Variants in ERMP1 observed in about 807,000 individuals in gnomAD.
ERMP1 encodes endoplasmic reticulum metallopeptidase 1.
In ERMP1, 86 loss-of-function variants were observed where a neutral mutation model predicts 92.0. The ratio of observed to expected loss-of-function variants is 0.93; its 90% CI spans 0.79 to 1.12. The LOEUF (loss-of-function observed/expected upper bound fraction) is 1.12. Ranked by LOEUF, ERMP1 falls within the 50% of genes most tolerant of loss-of-function variation. The pLI is 0.00. For missense variants in ERMP1, 1,342 were observed against 1,116.3 expected, an observed-to-expected ratio of 1.20 and a Z score of -2.88; for synonymous variants, 530 against 412.8, an observed-to-expected ratio of 1.28 and a Z score of -3.44.
At position 5,811,345 on chromosome 9, in the gene ERMP1, AAAAG is replaced by A. The variant is rs756239038; in HGVS notation, c.1115-26_1115-23del. 1.4e-4 allele frequency: 210 copies of A among 1,541,184 alleles called. No individual in the cohort carries two copies. The Admixed American group carries it at 1.9e-3, about 14-fold the overall frequency. On this transcript the variant is annotated intron_variant, in intron 6 of 14. Transcript: ENST00000339450. ...TCACCTATTAGTAAAAACAAAAAAA[AAAAG>A]AAAGAAAAGGAAAAAGATAAAAAGG...
chr9:5,827,073 A>G (rs1008931845), intron 2 of ERMP1, among the ~76,000 whole-genome samples: 15 of 152,240 alleles, frequency 9.9e-5, no homozygotes, highest in South Asian at 4.1e-4. Context: ...CTCTTCTACC[A>G]ACGACCTGGA....
chr9:5,845,153 TTTG>T (rs201894658), intron 6 of ERMP1, among the ~76,000 whole-genome samples: 8,282 of 24,734 alleles, frequency 0.33, 767 homozygotes, highest in African/African-American at 0.38. Context: ...GTTTTTTTTT[TTTG>T]TTGTTGTGGT....
rs781611805 is a variant in ERMP1 at position 5,830,710 on chromosome 9, A to T, written c.640+17T>A. Reference sequence around the variant, plus strand: ...GGGCTGTGACAAGTTCCAAATGACTAAAAAACAGGTACATACCTGGTGAGT... The same window carrying T: ...GGGCTGTGACAAGTTCCAAATGACTTAAAAACAGGTACATACCTGGTGAGT... On this transcript the variant is annotated intron_variant, in intron 2 of 14. Coordinates refer to ENST00000339450, the MANE Select transcript of ERMP1 (RefSeq NM_024896.3). The T allele has an allele frequency of 6.3e-7, 1 of 1,581,772 alleles. No homozygotes were observed. The highest frequency in any genetic ancestry group is 8.6e-7 in the Non-Finnish European group (1 of 1,162,038).
At chr9:5,793,166 A>T (rs943625011) in intron 13 of ERMP1, among the ~76,000 whole-genome samples, 3 of 152,156 alleles carry the variant, frequency 2.0e-5, no homozygotes, top group African/African-American at 7.2e-5. Context: ...TTATTTTGTT[A>T]TTAAGTTATT....
intron 6 of ERMP1, chr9:5,856,388 C>G (rs979051067): frequency 5.4e-6 from 1 of 185,104 alleles, no homozygotes; most frequent in African/African-American, 2.4e-5. Flanking sequence ...CCAAGAGGAG[C>G]GGCCGGAGGA....
chr9:5,861,985 A>T (rs1036522450), intron 5 of ERMP1, among the ~76,000 whole-genome samples: 7 of 152,152 alleles, frequency 4.6e-5, no homozygotes, highest in Middle Eastern at 3.4e-3. Context: ...AAAGTTTTTT[A>T]AAAAATCACA....
chr9:5,827,814 C>CA (rs1046747288), intron 2 of ERMP1, among the ~76,000 whole-genome samples: 2,227 of 121,706 alleles, frequency 0.018, 61 homozygotes, highest in African/African-American at 0.061. Flanking sequence ...GACTCCGTCT[C>CA]AAAAAAAAAA....
Position 5,787,161 on chromosome 9 carries a change from C to A in ERMP1, c.2698G>T (p.Asp900Tyr). ...CCACAAGATTAAAATACAAAGAGAT[C>A]GTAGGTGCACACCCAGGCAGAGGGA... is the stretch of plus-strand genomic sequence containing the variant. ...TFPSAWVCTY[D>Y]LFVF The change falls in exon 15 of 15, where the codon GAT becomes TAT. Residue 900 changes from aspartate to tyrosine, a missense_variant. Transcript: ENST00000339450. 1 of 1,613,416 alleles carries A rather than the reference C, an allele frequency of 6.2e-7. No homozygotes were observed. The highest frequency in any genetic ancestry group is 8.5e-7 in the Non-Finnish European group (1 of 1,179,678).
intron 4 of ERMP1, among the ~76,000 whole-genome samples, chr9:5,816,842 T>C (rs1040912147): frequency 6.6e-6 from 1 of 151,588 alleles, no homozygotes; most frequent in African/African-American, 2.4e-5. Context: ...GTGTAGAATG[T>C]GCTATAGCTA....
chr9:5,787,636 G>A (rs780868240), intron 13 of ERMP1, 43 bp from the exon 14 acceptor site: 2 of 1,570,322 alleles, frequency 1.3e-6, no homozygotes, highest in South Asian at 1.2e-5. Flanking sequence ...CTTTTTAAAA[G>A]GATCAAAAAA....
Position 5,832,758 on chromosome 9 carries a change from G to C in ERMP1, c.270C>G (p.Leu90=), listed in dbSNP as rs1169438649. Residue 90 remains leucine (L), a synonymous_variant, in exon 1 of 15, where the codon CTC becomes CTG. Transcript: ENST00000339450. The stretch of plus-strand genomic sequence containing the variant: ...CGCGTAGCACGAGCTGCTGCAGCGA[G>C]AGCTGCACCAGCGTCCGCAGCGCGA... ...YLIALRTLVQ[L]SLQQLVLRGA... 2 of 1,499,164 alleles carry C rather than the reference G, an allele frequency of 1.3e-6. No homozygotes were observed. The highest frequency in any genetic ancestry group is 1.5e-5 in the African/African-American group (1 of 68,866). 92.9% of individuals were successfully genotyped at this position (1,499,164 alleles called of 1,614,324 possible).
At chr9:5,796,183 G>A (rs1828417836) in intron 13 of ERMP1, among the ~76,000 whole-genome samples, 1 of 152,162 alleles carries the variant, frequency 6.6e-6, no homozygotes, top group Admixed American at 6.5e-5. Context: ...ACTCCAACAA[G>A]TTATTTTGTG....
At chr9:5,857,582 T>C (rs1461242086) in intron 6 of ERMP1, among the ~76,000 whole-genome samples, 3 of 152,210 alleles carry the variant, frequency 2.0e-5, no homozygotes, top group Admixed American at 6.5e-5. Context: ...TTATAATCTA[T>C]TGGTACATCC....
intron 13 of ERMP1, among the ~76,000 whole-genome samples, chr9:5,792,326 T>C (rs1828231563): frequency 6.6e-6 from 1 of 152,040 alleles, no homozygotes; most frequent in Non-Finnish European, 1.5e-5. Context: ...ATAAAGAATA[T>C]CCTAGAAAGA....
At chr9:5,831,117 C>A in intron 1 of ERMP1, 89 bp from the exon 2 acceptor site, 2 of 1,004,626 alleles carry the variant, frequency 2.0e-6, no homozygotes, top group Non-Finnish European at 1.5e-6. Context: ...CCTTCCTCCC[C>A]AAAAAAGCTT....
chr9:5,803,900 C>T (rs1171059402), intron 10 of ERMP1, among the ~76,000 whole-genome samples: 3 of 152,010 alleles, frequency 2.0e-5, no homozygotes, highest in African/African-American at 7.3e-5. Context: ...CTAGTACAAC[C>T]AACCTCAAAC....
At chr9:5,792,061 C>A (rs1419938978) in intron 13 of ERMP1, among the ~76,000 whole-genome samples, 2 of 151,984 alleles carry the variant, frequency 1.3e-5, no homozygotes, top group African/African-American at 4.8e-5. Flanking sequence ...GGAGGTAGTA[C>A]CAAGAAGAGT....
In ERMP1 at chr9:5,830,786, T is replaced by A. The variant is rs149335278; in HGVS notation, c.581A>T (p.Asp194Val). Residue 194 changes from aspartate (D) to valine (V), a missense_variant, in exon 2 of 15, where the codon GAT (aspartate) becomes GTT (valine). Coordinates refer to ENST00000339450, the MANE Select transcript of ERMP1 (RefSeq NM_024896.3). Reference protein sequence around the residue: ...TNVVVKLEPRDGAQHAVLANC... With the variant: ...TNVVVKLEPRVGAQHAVLANC... The stretch of plus-strand genomic sequence containing the variant: ...AGCCAAGACAGCATGCTGGGCTCCA[T>A]CTCTGGGTTCCAGCTTTACCACAAC... 1 of 1,614,126 alleles carries A rather than the reference T, an allele frequency of 6.2e-7. No individual in the cohort carries two copies.
intron 6 of ERMP1, among the ~76,000 whole-genome samples, chr9:5,847,187 A>C (rs1028328615): frequency 6.6e-6 from 1 of 152,116 alleles, no homozygotes; most frequent in Non-Finnish European, 1.5e-5. Context: ...ACAATTACTC[A>C]ATGTGTTTTG....
Sources: gnomAD v4.1 joint callset for allele counts (sites outside exome capture counted in the v4.1 genomes callset) on GRCh38, gnomAD v4.1.1 for gene constraint, MANE v1.5 for transcripts, NCBI Gene and HGNC (gene_info 2026-07-23, HGNC 2026-07-21) for gene names.